The following GLIS3 variants were observed in gnomAD, a reference collection of about 807,000 sequenced individuals.
GLIS3 encodes GLIS family zinc finger 3.
In GLIS3, 53 loss-of-function variants were observed where a neutral mutation model predicts 78.6. That is an observed-to-expected ratio of 0.67 (90% CI 0.54 to 0.85). The LOEUF is 0.85. GLIS3 is among the 40% of genes least tolerant of loss of function. GLIS3 has a pLI of 0.00. For missense variants in GLIS3, 1,703 were observed against 1,231.1 expected, an observed-to-expected ratio of 1.38 and a Z score of -5.74; for synonymous variants, 684 against 509.9, an observed-to-expected ratio of 1.34 and a Z score of -4.60.
At chr9:4,251,894 G>A (rs1439173982) in intron 2 of GLIS3, among the ~76,000 whole-genome samples, 1 of 152,116 alleles carries the variant, frequency 6.6e-6, no homozygotes, top group East Asian at 1.9e-4. Flanking sequence ...GAAATTCTGG[G>A]TTGAAAATTC....
At chr9:4,371,573 AC>A in the GLIS3 span, among the ~76,000 whole-genome samples, 1 of 151,436 alleles carries the variant, frequency 6.6e-6, no homozygotes, top group Non-Finnish European at 1.5e-5. Flanking sequence ...ACCACCCCTA[AC>A]CCCCAGCCTG....
intron 4 of GLIS3, among the ~76,000 whole-genome samples, chr9:3,964,624 A>G (rs186924464): frequency 6.6e-6 from 1 of 152,364 alleles, no homozygotes; most frequent in East Asian, 1.9e-4. Flanking sequence ...CTATATTTCT[A>G]AATTTGCCTG....
At chr9:4,229,418 G>C (rs981696261) in intron 2 of GLIS3, among the ~76,000 whole-genome samples, 1 of 152,230 alleles carries the variant, frequency 6.6e-6, no homozygotes, top group Non-Finnish European at 1.5e-5. Flanking sequence ...AGCATGACCA[G>C]AGTTCTGGAT....
At chr9:4,060,811 T>G (rs776376192) in intron 4 of GLIS3, among the ~76,000 whole-genome samples, 2 of 152,328 alleles carry the variant, frequency 1.3e-5, no homozygotes, top group Non-Finnish European at 2.9e-5. Context: ...AAAAATGGAC[T>G]AAGACATGTG....
intron 2 of GLIS3, among the ~76,000 whole-genome samples, chr9:4,167,729 T>C (rs978135044): frequency 6.6e-6 from 1 of 152,220 alleles, no homozygotes; most frequent in African/African-American, 2.4e-5. Flanking sequence ...TCACGTTCCT[T>C]TCACTGAACT....
At chr9:4,115,039 T>C (rs1233556305) in intron 4 of GLIS3, among the ~76,000 whole-genome samples, 1 of 152,132 alleles carries the variant, frequency 6.6e-6, no homozygotes, top group Non-Finnish European at 1.5e-5. Flanking sequence ...TGAGGGAGGA[T>C]ACCAGTGGCA....
At chr9:4,365,348 G>T in the GLIS3 span, among the ~76,000 whole-genome samples, 1 of 152,218 alleles carries the variant, frequency 6.6e-6, no homozygotes, top group African/African-American at 2.4e-5. Flanking sequence ...ATGAGGTCAG[G>T]AGTTTGAGAC....
At chr9:4,240,278 C>T (rs557659885) in intron 2 of GLIS3, among the ~76,000 whole-genome samples, 2 of 152,152 alleles carry the variant, frequency 1.3e-5, no homozygotes, top group Non-Finnish European at 1.5e-5. Context: ...GAACGCACAA[C>T]CTAGATCCTC....
the GLIS3 span, among the ~76,000 whole-genome samples, chr9:4,429,240 G>A: frequency 2.0e-5 from 3 of 151,934 alleles, no homozygotes; most frequent in Non-Finnish European, 2.9e-5. Context: ...TGGCTTTCCC[G>A]CTATTCTTAA....
intron 2 of GLIS3, among the ~76,000 whole-genome samples, chr9:4,319,688 C>A (rs1341723279): frequency 6.6e-6 from 1 of 152,110 alleles, no homozygotes; most frequent in African/African-American, 2.4e-5. Context: ...TGCCACCACG[C>A]CTGGCTAATT....
intron 2 of GLIS3, among the ~76,000 whole-genome samples, chr9:4,198,687 C>T (rs1424889572): frequency 6.6e-6 from 1 of 152,034 alleles, no homozygotes; most frequent in East Asian, 1.9e-4. Flanking sequence ...GAGAGGCAGA[C>T]ACCTAGATAC....
At chr9:4,350,912 T>C (rs1817962759), upstream of GLIS3, among the ~76,000 whole-genome samples, 2 of 152,214 alleles carry the variant, frequency 1.3e-5, no homozygotes, top group African/African-American at 4.8e-5. Context: ...TGGGGCCCAG[T>C]TCAAAATGAA....
At chr9:4,185,874 G>A (rs191874587) in intron 2 of GLIS3, among the ~76,000 whole-genome samples, 2 of 152,312 alleles carry the variant, frequency 1.3e-5, no homozygotes, top group Admixed American at 6.5e-5. Flanking sequence ...GCAGCCCAGG[G>A]ACATGTTCCA....
At chr9:4,437,874 G>C in the GLIS3 span, among the ~76,000 whole-genome samples, 1 of 151,270 alleles carries the variant, frequency 6.6e-6, no homozygotes, top group Admixed American at 6.6e-5. Context: ...TATTTTCTTA[G>C]TTACTCTATT....
chr9:4,483,723 G>GAAAAAA, the GLIS3 span, among the ~76,000 whole-genome samples: 26 of 108,596 alleles, frequency 2.4e-4, no homozygotes, highest in African/African-American at 8.6e-4. Flanking sequence ...TTCGTCTTGG[G>GAAAAAA]AAAAAAAAAA....
Position 3,838,457 on chromosome 9 carries a change from G to A in GLIS3, c.2474-8965C>T, listed in dbSNP as rs566334510. 1.7e-3 allele frequency among the ~76,000 whole-genome samples: 262 copies of A among 152,284 alleles called. 1 individual carries two copies. Among genetic ancestry groups the A allele is most frequent in the Non-Finnish European group, 3.0e-3 (206 of 68,034 alleles). ...TAGCCTTGGAGTGCAAAGTCAGAGG[G>A]TAGAATAAAGGAAGGTTTGCTGAAT... On this transcript the variant is annotated intron_variant, in intron 9 of 10. Transcript: ENST00000381971.
At chr9:4,087,315 T>C (rs1281273862) in intron 4 of GLIS3, among the ~76,000 whole-genome samples, 1 of 152,174 alleles carries the variant, frequency 6.6e-6, no homozygotes, top group Non-Finnish European at 1.5e-5. Flanking sequence ...CGGCAAAACA[T>C]ACTTTCAAGT....
At chr9:3,966,457 T>C (rs1251099558) in intron 4 of GLIS3, among the ~76,000 whole-genome samples, 1 of 151,730 alleles carries the variant, frequency 6.6e-6, no homozygotes, top group Non-Finnish European at 1.5e-5. Flanking sequence ...CAGATAATGC[T>C]AATTGATGAT....
rs377059473 is a variant in GLIS3 at position 3,946,691 on chromosome 9, T to C, written c.1711-9502A>G. ...AACAACTTGTGAAGTAAGTGAGCTG[T>C]TTTCCTACCACTCCCTTTTCCAAAT... On this transcript the variant is annotated intron_variant, in intron 4 of 10. Coordinates refer to ENST00000381971, the MANE Select transcript of GLIS3 (RefSeq NM_001042413.2). 1.7e-3 allele frequency among the ~76,000 whole-genome samples: 264 copies of C among 152,340 alleles called. 5 individuals are homozygous for C. In the South Asian group the frequency reaches 0.025, roughly 14 times the overall value.
Sources: allele counts gnomAD v4.1 joint callset (sites outside exome capture counted in the v4.1 genomes callset), GRCh38; gene constraint gnomAD v4.1.1; transcripts MANE v1.5; gene names NCBI Gene and HGNC (gene_info 2026-07-23, HGNC 2026-07-21).